The following BNIP2 variants were observed in gnomAD, a reference collection of about 807,000 sequenced individuals.
BNIP2 encodes the protein BCL2 interacting protein 2.
BNIP2 carries 36 observed loss-of-function variants against 43.4 expected under a neutral mutation model. That is an observed-to-expected ratio of 0.83 (90% CI 0.64 to 1.10). The LOEUF (loss-of-function observed/expected upper bound fraction) is 1.10. Ranked by LOEUF, BNIP2 falls within the 50% of genes least tolerant of loss-of-function variation. The pLI is 0.00. For missense variants in BNIP2, 417 were observed against 374.1 expected (o/e 1.11, Z -0.95); for synonymous variants, 146 against 121.0 (o/e 1.21, Z -1.35).
In BNIP2 at chr15:59,663,821, C is replaced by G; in HGVS notation, c.*248G>C. On this transcript the variant is annotated 3_prime_UTR_variant, in exon 10 of 10. Coordinates refer to ENST00000607373, the MANE Select transcript of BNIP2 (RefSeq NM_004330.4). ...ACTACTTTATATAAAGTGTGGTTCT[C>G]TATTTAGCAATATAAAATATAAAAC... 3.1e-6 allele frequency: 1 copy of G among 322,794 alleles called. No individual in the cohort carries two copies. The allele number at this position is 322,794 out of a possible 1,614,324, so 20.0% of individuals were successfully genotyped here. A position where few individuals can be genotyped will look rare whatever the true frequency, so the allele number is the denominator to read the frequency against.
intron 1 of BNIP2, among the ~76,000 whole-genome samples, chr15:59,686,833 A>G (rs1435882788): frequency 6.6e-6 from 1 of 152,162 alleles, no homozygotes; most frequent in African/African-American, 2.4e-5. Flanking sequence ...CCTGGCCAAC[A>G]TGGTGAAACC....
In BNIP2 at chr15:59,659,616, C is replaced by T. The variant is rs942055515; in HGVS notation, c.*4453G>A. Reference sequence around the variant, plus strand: ...AACGGACATTAAACTTTACAAAGTCCACATACAAAAAGTGCAGTGTAGAAG... The same window carrying T: ...AACGGACATTAAACTTTACAAAGTCTACATACAAAAAGTGCAGTGTAGAAG... On this transcript the variant is annotated 3_prime_UTR_variant, in exon 10 of 10. Transcript: ENST00000607373. 5.3e-5 allele frequency: 8 copies of T among 152,130 alleles called. 1 individual carries two copies. The highest frequency in any genetic ancestry group is 1.4e-4 in the African/African-American group (6 of 41,418). 9.4% of individuals were successfully genotyped at this position (152,130 alleles called of 1,614,324 possible). A position where few individuals can be genotyped will look rare whatever the true frequency, so the allele number is the denominator to read the frequency against.
chr15:59,668,387 G>A (rs1189875556), intron 9 of BNIP2, among the ~76,000 whole-genome samples: 1 of 152,132 alleles, frequency 6.6e-6, no homozygotes, highest in Non-Finnish European at 1.5e-5. Context: ...TATGTTAACA[G>A]CCTTCTACCA....
intron 9 of BNIP2, among the ~76,000 whole-genome samples, chr15:59,665,962 A>G (rs926989685): frequency 8.0e-5 from 9 of 112,040 alleles, no homozygotes; most frequent in Non-Finnish European, 1.3e-4. Flanking sequence ...AAATATTGTT[A>G]TAAAAAATTT....
intron 9 of BNIP2, among the ~76,000 whole-genome samples, chr15:59,666,129 A>G (rs1892553797): frequency 6.6e-6 from 1 of 152,210 alleles, no homozygotes; most frequent in Non-Finnish European, 1.5e-5. Context: ...GTTTGAAAGA[A>G]ACATTTTAAA....
At chr15:59,668,262 A>G (rs1256867166) in intron 9 of BNIP2, 1 of 446,598 alleles carries the variant, frequency 2.2e-6, no homozygotes, top group Non-Finnish European at 3.8e-6. Context: ...TTACTACATG[A>G]TGTAGAAAGT....
At chr15:59,673,175 G>A (rs906637732) in intron 5 of BNIP2, among the ~76,000 whole-genome samples, 1 of 150,440 alleles carries the variant, frequency 6.6e-6, no homozygotes, top group Non-Finnish European at 1.5e-5. Context: ...CTGGAGGGCA[G>A]TGGCACAATC....
rs6151563 is a variant in BNIP2 at position 59,669,407 on chromosome 15, A to T, written c.708-45T>A. The T allele has an allele frequency of 6.3e-6, 8 of 1,264,324 alleles. No homozygotes were observed. The Admixed American group carries it at 1.7e-4, about 27-fold the overall frequency. The allele number at this position is 1,264,324 out of a possible 1,614,324, so 78.3% of individuals were successfully genotyped here. A position where few individuals can be genotyped will look rare whatever the true frequency, so the allele number is the denominator to read the frequency against. ...CACACACACACAAAGAAAATTAAAAATTTCTATAAATTCTAATGCTGCAAG... is the reference window on the plus strand; with the variant it reads ...CACACACACACAAAGAAAATTAAAATTTTCTATAAATTCTAATGCTGCAAG... On this transcript the variant is annotated intron_variant, in intron 7 of 9. Coordinates refer to ENST00000607373, the MANE Select transcript of BNIP2 (RefSeq NM_004330.4).
intron 9 of BNIP2, among the ~76,000 whole-genome samples, chr15:59,665,889 T>C (rs1383272448): frequency 6.6e-6 from 1 of 152,172 alleles, no homozygotes; most frequent in African/African-American, 2.4e-5. Context: ...ACCTGAATAT[T>C]AGTGAAACAG....
chr15:59,681,238 A>G (rs1427397655), intron 2 of BNIP2, among the ~76,000 whole-genome samples: 1 of 152,190 alleles, frequency 6.6e-6, no homozygotes, highest in Non-Finnish European at 1.5e-5. Flanking sequence ...GCACCTGATT[A>G]TGCACTAGGA....
intron 9 of BNIP2, among the ~76,000 whole-genome samples, chr15:59,667,483 A>T (rs1207160339): frequency 6.6e-6 from 1 of 152,208 alleles, no homozygotes; most frequent in Non-Finnish European, 1.5e-5. Context: ...TCAATAGATA[A>T]TAGTTTGTTA....
rs1892173809 is a variant in BNIP2 at position 59,660,105 on chromosome 15, C to T, written c.*3964G>A. ...GTAGATAATACCCCACTTCCCTCACCAGTTGGCCTTCCCATTCAAGTCTAA... is the reference window on the plus strand; with the variant it reads ...GTAGATAATACCCCACTTCCCTCACTAGTTGGCCTTCCCATTCAAGTCTAA... On this transcript the variant is annotated 3_prime_UTR_variant, in exon 10 of 10. Transcript: ENST00000607373. 1 of 152,186 alleles carries T rather than the reference C, an allele frequency of 6.6e-6. No individual in the cohort carries two copies. Among genetic ancestry groups the T allele is most frequent in the African/African-American group, 2.4e-5 (1 of 41,436 alleles). The allele number at this position is 152,186 out of a possible 1,614,324, so 9.4% of individuals were successfully genotyped here.
rs1892351884 is a variant in BNIP2 at position 59,662,890 on chromosome 15, A to G, written c.*1179T>C. 1 of 152,262 alleles carries G rather than the reference A, an allele frequency of 6.6e-6. No individual in the cohort carries two copies. The highest frequency in any genetic ancestry group is 2.4e-5 in the African/African-American group (1 of 41,462). 9.4% of individuals were successfully genotyped at this position (152,262 alleles called of 1,614,324 possible). On this transcript the variant is annotated 3_prime_UTR_variant, in exon 10 of 10. Coordinates refer to ENST00000607373, the MANE Select transcript of BNIP2 (RefSeq NM_004330.4). Reference sequence around the variant, plus strand: ...GGAGGCACAAACACAATTTATTTCAATGTAAAGGTACTACCAAATGAAACA... The same window carrying G: ...GGAGGCACAAACACAATTTATTTCAGTGTAAAGGTACTACCAAATGAAACA...
At chr15:59,685,369 C>T (rs983893858) in intron 1 of BNIP2, among the ~76,000 whole-genome samples, 2 of 152,106 alleles carry the variant, frequency 1.3e-5, no homozygotes, top group East Asian at 3.9e-4. Context: ...GGCGTGGTGG[C>T]GCCTGCCTGT....
Position 59,659,220 on chromosome 15 carries a change from A to G in BNIP2, c.*4849T>C, listed in dbSNP as rs1892121511. 3 of 152,244 alleles carry G rather than the reference A, an allele frequency of 2.0e-5. No homozygotes were observed. Among genetic ancestry groups the G allele is most frequent in the Admixed American group, 2.0e-4 (3 of 15,284 alleles). 9.4% of individuals were successfully genotyped at this position (152,244 alleles called of 1,614,324 possible). On this transcript the variant is annotated 3_prime_UTR_variant, in exon 10 of 10. Coordinates refer to ENST00000607373, the MANE Select transcript of BNIP2 (RefSeq NM_004330.4). The stretch of plus-strand genomic sequence containing the variant: ...TGTGCAACAAATCAAGACACAAGTT[A>G]TATTCCTAACAGGTCAAAGAAAATA...
chr15:59,664,079 T>C lies in BNIP2; in HGVS notation c.935A>G (p.Asn312Ser). Residue 312 changes from asparagine to serine, a missense_variant, in exon 10 of 10, where the codon AAT (asparagine) becomes AGT (serine). Asn to Ser is a conservative substitution (Grantham distance 46, BLOSUM62 1). Transcript: ENST00000607373. ...GACTAGATGCCAAACTTACTGTTCA[T>C]TTTTCGGTTCATCTTGTTTTCCATT... ...ELNGKQDEPK[N>S]EQ 6.5e-7 allele frequency: 1 copy of C among 1,549,204 alleles called. No homozygotes were observed. Among genetic ancestry groups the C allele is most frequent in the Non-Finnish European group, 8.7e-7 (1 of 1,144,796 alleles).
intron 1 of BNIP2, 143 bp downstream of exon 1, chr15:59,688,992 T>C (rs1894208081): frequency 6.9e-7 from 1 of 1,443,338 alleles, no homozygotes; most frequent in Middle Eastern, 2.5e-4. Context: ...GAGCAGGTTC[T>C]ATGGCTCCCC....
chr15:59,668,139 C>T (rs1892677240), intron 9 of BNIP2: 2 of 1,280,292 alleles, frequency 1.6e-6, no homozygotes, highest in Non-Finnish European at 2.1e-6. Flanking sequence ...TTCTTCATAC[C>T]TTTGTAGGGA....
At chr15:59,681,001 T>A (rs6151499) in intron 2 of BNIP2, among the ~76,000 whole-genome samples, 4 of 152,158 alleles carry the variant, frequency 2.6e-5, no homozygotes, top group Non-Finnish European at 4.4e-5. Context: ...ACAGCTCTTA[T>A]ACAATTATAA....
Sources: allele counts gnomAD v4.1 joint callset (sites outside exome capture counted in the v4.1 genomes callset), GRCh38; gene constraint gnomAD v4.1.1; transcripts MANE v1.5; gene names NCBI Gene and HGNC (gene_info 2026-07-23, HGNC 2026-07-21).